The following ATP13A4 variants were observed in gnomAD, a reference collection of about 807,000 sequenced individuals.
ATP13A4 encodes probable cation-transporting ATPase 13A4.
In ATP13A4, 114 loss-of-function variants were observed where a neutral mutation model predicts 142.5. That is an observed-to-expected ratio of 0.80 (90% CI 0.69 to 0.93). The LOEUF is 0.93. Among genes scored for constraint, ATP13A4 ranks in the 40% least tolerant of loss-of-function variants. The pLI, the probability that ATP13A4 is intolerant of heterozygous loss-of-function variation, is 0.00. For missense variants in ATP13A4, 1,392 were observed against 1,454.0 expected, an observed-to-expected ratio of 0.96 and a Z score of 0.69; for synonymous variants, 488 against 514.8, an observed-to-expected ratio of 0.95 and a Z score of 0.70.
rs1194893039 is a variant in ATP13A4 at position 193,414,515 on chromosome 3, T to C, written c.3014+64A>G. 5.0e-6 allele frequency: 8 copies of C among 1,586,462 alleles called. No homozygotes were observed. The African/African-American group carries it at 6.7e-5, about 13-fold the overall frequency. On this transcript the variant is annotated intron_variant, in intron 26 of 29. Coordinates refer to ENST00000342695, the MANE Select transcript of ATP13A4 (RefSeq NM_032279.4). ...GAAGACCCATGTGCCTCCCATCATA[T>C]TGGCCAGAGGATGTTTGATAGAAAT...
Position 193,467,468 on chromosome 3 carries a change from G to A in ATP13A4, c.962C>T (p.Thr321Ile), listed in dbSNP as rs372933824. 7 of 1,613,510 alleles carry A rather than the reference G, an allele frequency of 4.3e-6. No homozygotes were observed. Among genetic ancestry groups the A allele is most frequent in the Admixed American group, 1.7e-5 (1 of 59,986 alleles). ...ATCCATCTTGGGTAACGGAGTTTTG[G>A]TGACTGGAATACTTTCTCCTACAGA... is the stretch of plus-strand genomic sequence containing the variant. ...GMLTGESIPVTKTPLPKMDSS... is the reference protein window; with the variant it reads ...GMLTGESIPVIKTPLPKMDSS... The change falls in exon 10 of 30, where the codon ACC (threonine) becomes ATC (isoleucine). Residue 321 changes from threonine to isoleucine, a missense_variant. Thr to Ile is a moderately conservative substitution (Grantham distance 89). Coordinates refer to ENST00000342695, the MANE Select transcript of ATP13A4 (RefSeq NM_032279.4).
intron 1 of ATP13A4, among the ~76,000 whole-genome samples, chr3:193,536,724 A>G (rs942297508): frequency 1.3e-5 from 2 of 152,022 alleles, no homozygotes; most frequent in Non-Finnish European, 2.9e-5. Context: ...AATACCCAAA[A>G]ATCTACCAAA....
chr3:193,464,842 C>T, intron 12 of ATP13A4, 98 bp downstream of exon 12: 1 of 1,309,284 alleles, frequency 7.6e-7, no homozygotes, highest in South Asian at 1.2e-5. Flanking sequence ...CAGGCACCCA[C>T]ATTCTATGTC....
intron 1 of ATP13A4, among the ~76,000 whole-genome samples, chr3:193,535,099 C>T (rs190399422): frequency 6.6e-6 from 1 of 152,160 alleles, no homozygotes; most frequent in Admixed American, 6.6e-5. Flanking sequence ...GACCTCAACA[C>T]CTCTCTCTCA....
chr3:193,451,019 A>G lies in ATP13A4; in HGVS notation c.2028-2689T>C, dbSNP rs150540885. ...ACTTTGCTGCCACTGGACTGTTTCT[A>G]TATGTAAGGTGGTTCTCCTGTCCAG... is the stretch of plus-strand genomic sequence containing the variant. On this transcript the variant is annotated intron_variant, in intron 17 of 29. Coordinates refer to ENST00000342695, the MANE Select transcript of ATP13A4 (RefSeq NM_032279.4). Among the ~76,000 whole-genome samples the G allele has an allele frequency of 3.3e-3, 496 of 152,256 alleles. 5 individuals carry two copies. The highest frequency in any genetic ancestry group is 0.011 in the African/African-American group (472 of 41,530).
chr3:193,577,966 A>G (rs1195382464), intron 2 of ATP13A4, among the ~76,000 whole-genome samples: 2 of 152,218 alleles, frequency 1.3e-5, no homozygotes, highest in African/African-American at 2.4e-5. Context: ...TAAATTCTCA[A>G]CTTTCAGACT....
intron 2 of ATP13A4, among the ~76,000 whole-genome samples, chr3:193,572,522 T>TA (rs922440560): frequency 8.5e-5 from 13 of 152,284 alleles, no homozygotes; most frequent in East Asian, 7.7e-4. Flanking sequence ...AGTTTAGGTT[T>TA]AAAAAACGAA....
intron 25 of ATP13A4, among the ~76,000 whole-genome samples, chr3:193,424,020 A>G (rs1034562012): frequency 6.7e-6 from 1 of 149,580 alleles, no homozygotes; most frequent in African/African-American, 2.4e-5. Flanking sequence ...AGTAGCTTTT[A>G]TATAGGCTAA....
chr3:193,487,710 T>C (rs1194074183), intron 7 of ATP13A4, among the ~76,000 whole-genome samples: 1 of 152,224 alleles, frequency 6.6e-6, no homozygotes, highest in South Asian at 2.1e-4. Context: ...TTTCTATCTC[T>C]ATATCAATAC....
chr3:193,577,358 T>C (rs1423479581), intron 2 of ATP13A4, among the ~76,000 whole-genome samples: 4 of 152,244 alleles, frequency 2.6e-5, no homozygotes, highest in Non-Finnish European at 5.9e-5. Context: ...ATGGTTTTCT[T>C]TCTTCTGCAC....
In ATP13A4 at chr3:193,407,271, T is replaced by C. The variant is rs1186653606; in HGVS notation, c.3378+42A>G. On this transcript the variant is annotated intron_variant, in intron 29 of 29. Coordinates refer to ENST00000342695, the MANE Select transcript of ATP13A4 (RefSeq NM_032279.4). ...AAAGAAGTCCCCCTACACACATGCG[T>C]GCACACACACAAGATCAGCAGCCCA... is the stretch of plus-strand genomic sequence containing the variant. 9.6e-5 allele frequency: 148 copies of C among 1,540,242 alleles called. 1 individual carries two copies. In the Admixed American group the frequency reaches 2.5e-3, roughly 26 times the overall value.
At chr3:193,434,993 T>A (rs1384070557) in intron 24 of ATP13A4, among the ~76,000 whole-genome samples, 1 of 152,212 alleles carries the variant, frequency 6.6e-6, no homozygotes, top group Non-Finnish European at 1.5e-5. Context: ...TATACAAGTG[T>A]ACCATTAAAT....
intron 1 of ATP13A4, among the ~76,000 whole-genome samples, chr3:193,534,411 C>T (rs527974285): frequency 4.6e-5 from 7 of 151,816 alleles, no homozygotes; most frequent in East Asian, 3.9e-4. Context: ...ACCAAGGTAA[C>T]AGAGAGATGT....
chr3:193,504,432 T>G (rs1180772497), intron 2 of ATP13A4, among the ~76,000 whole-genome samples: 1 of 152,228 alleles, frequency 6.6e-6, no homozygotes, highest in African/African-American at 2.4e-5. Context: ...TATTTCACAC[T>G]TATTATGTTC....
intron 16 of ATP13A4, among the ~76,000 whole-genome samples, chr3:193,455,479 G>C (rs1318111088): frequency 1.3e-5 from 2 of 151,936 alleles, no homozygotes; most frequent in Non-Finnish European, 2.9e-5. Flanking sequence ...CAAAACCACA[G>C]TGAGATACCA....
chr3:193,408,954 A>T (rs1714637710), intron 28 of ATP13A4, among the ~76,000 whole-genome samples: 1 of 152,254 alleles, frequency 6.6e-6, no homozygotes, highest in Non-Finnish European at 1.5e-5. Context: ...CTGAACAAAT[A>T]TAATAGTTTT....
At chr3:193,489,610 C>A in intron 7 of ATP13A4, 120 bp downstream of exon 7, 1 of 1,072,516 alleles carries the variant, frequency 9.3e-7, no homozygotes, top group Non-Finnish European at 1.4e-6. Context: ...TATTTACAAA[C>A]TTGCTCTCAT....
intron 1 of ATP13A4, among the ~76,000 whole-genome samples, chr3:193,522,860 T>C (rs1253553789): frequency 6.6e-6 from 1 of 152,018 alleles, no homozygotes; most frequent in Non-Finnish European, 1.5e-5. Context: ...TAGGCTTTCA[T>C]GTGATGAGGA....
chr3:193,539,684 G>T (rs1722778375), intron 1 of ATP13A4, among the ~76,000 whole-genome samples: 1 of 152,088 alleles, frequency 6.6e-6, no homozygotes, highest in South Asian at 2.1e-4. Context: ...TGCTCACCAT[G>T]GAACACAACA....
Sources: allele counts gnomAD v4.1 joint callset (sites outside exome capture counted in the v4.1 genomes callset), GRCh38; gene constraint gnomAD v4.1.1; transcripts MANE v1.5; gene names NCBI Gene and HGNC (gene_info 2026-07-23, HGNC 2026-07-21).